TMEM53: variants seen among roughly 807,000 people sequenced by gnomAD.
TMEM53 encodes the protein novel DUF829 domain-containing protein.
In TMEM53, 14 loss-of-function variants were observed where a neutral mutation model predicts 21.4. The ratio of observed to expected loss-of-function variants is 0.65; its 90% CI spans 0.43 to 1.02. TMEM53 has a LOEUF of 1.02. Ranked by LOEUF, TMEM53 falls within the 50% of genes least tolerant of loss-of-function variation. TMEM53 has a pLI of 0.00. For missense variants in TMEM53, 323 were observed against 383.6 expected (o/e 0.84, Z 1.32); for synonymous variants, 148 against 157.4 (o/e 0.94, Z 0.45).
intron 1 of TMEM53, among the ~76,000 whole-genome samples, chr1:44,669,750 G>A (rs190369075): frequency 6.6e-6 from 1 of 151,808 alleles, no homozygotes; most frequent in Non-Finnish European, 1.5e-5. Context: ...CCAGGGTCTA[G>A]TACAGCACCA....
intron 2 of TMEM53, among the ~76,000 whole-genome samples, chr1:44,657,429 G>A (rs566490783): frequency 2.0e-4 from 31 of 152,234 alleles, no homozygotes; most frequent in African/African-American, 7.2e-4. Flanking sequence ...AGATTCAATA[G>A]GTCTCATGTA....
At chr1:44,659,882 C>T (rs1644884237) in intron 2 of TMEM53, among the ~76,000 whole-genome samples, 2 of 116,242 alleles carry the variant, frequency 1.7e-5, no homozygotes, top group East Asian at 2.6e-4. Context: ...TTTTTTGAGA[C>T]GGAATCTCAC....
chr1:44,672,780 A>AAAAAAG (rs1645015593), intron 1 of TMEM53, among the ~76,000 whole-genome samples: 1 of 151,248 alleles, frequency 6.6e-6, no homozygotes, highest in African/African-American at 2.4e-5. Flanking sequence ...TAAAAAAAAA[A>AAAAAAG]AAAGAAAGGG....
Position 44,674,426 on chromosome 1 carries a change from C to T in TMEM53, c.-35G>A. ...GCCGGCCCAGAGCACGGGTCTCCAG[C>T]CGGAACTCCCGCTTGCGCACCCGTG... On this transcript the variant is annotated 5_prime_UTR_variant, in exon 1 of 3. Transcript: ENST00000372237. 5.7e-6 allele frequency: 9 copies of T among 1,590,190 alleles called. No individual in the cohort carries two copies. Among genetic ancestry groups the T allele is most frequent in the Admixed American group, 1.8e-5 (1 of 54,874 alleles).
At chr1:44,664,287 C>A (rs909277096) in intron 1 of TMEM53, among the ~76,000 whole-genome samples, 4 of 151,752 alleles carry the variant, frequency 2.6e-5, no homozygotes, top group African/African-American at 9.7e-5. Context: ...CTCATCTCTA[C>A]TAAAAATACA....
rs150023893 is a variant in TMEM53 at position 44,658,798 on chromosome 1, C to T, written c.183+1376G>A. Among the ~76,000 whole-genome samples the T allele has an allele frequency of 3.6e-3, 550 of 152,234 alleles. 15 individuals carry two copies. The highest frequency in any genetic ancestry group is 0.033 in the Admixed American group (502 of 15,296). Reference sequence around the variant, plus strand: ...AACTCCTGACCTCAAGTGATCTGCCCGCCTCAGCCTTCCAAAGTGCTGGGA... The same window carrying T: ...AACTCCTGACCTCAAGTGATCTGCCTGCCTCAGCCTTCCAAAGTGCTGGGA... On this transcript the variant is annotated intron_variant, in intron 2 of 2. Transcript: ENST00000372237.
At chr1:44,668,461 G>A (rs1250012120) in intron 1 of TMEM53, among the ~76,000 whole-genome samples, 1 of 151,992 alleles carries the variant, frequency 6.6e-6, no homozygotes, top group Non-Finnish European at 1.5e-5. Flanking sequence ...AAAATAACAT[G>A]CAAAAAATTG....
intron 1 of TMEM53, among the ~76,000 whole-genome samples, chr1:44,663,099 C>G (rs189559111): frequency 1.1e-4 from 16 of 152,350 alleles, no homozygotes; most frequent in Admixed American, 7.8e-4. Flanking sequence ...GTTGCCCAAG[C>G]TGGAGTGCAG....
At chr1:44,659,073 C>T (rs1286629319) in intron 2 of TMEM53, among the ~76,000 whole-genome samples, 2 of 152,144 alleles carry the variant, frequency 1.3e-5, no homozygotes, top group Non-Finnish European at 2.9e-5. Context: ...TGAAACTGCC[C>T]GCAGTGAGGC....
chr1:44,664,440 G>A (rs372142932), intron 1 of TMEM53, among the ~76,000 whole-genome samples: 2 of 137,352 alleles, frequency 1.5e-5, no homozygotes, highest in East Asian at 2.1e-4. Context: ...CAACAAGAGC[G>A]AAACTCCATC....
chr1:44,664,991 G>C (rs754480179), intron 1 of TMEM53, among the ~76,000 whole-genome samples: 1 of 151,794 alleles, frequency 6.6e-6, no homozygotes, highest in East Asian at 1.9e-4. Flanking sequence ...CTGATGCTCC[G>C]TGTTCATGCT....
intron 2 of TMEM53, among the ~76,000 whole-genome samples, chr1:44,656,796 G>A (rs1005029518): frequency 5.3e-5 from 8 of 152,138 alleles, no homozygotes; most frequent in Admixed American, 5.2e-4. Flanking sequence ...GGCAGATGAC[G>A]AAGTCAGGAG....
At chr1:44,666,848 T>G (rs544346447) in intron 1 of TMEM53, among the ~76,000 whole-genome samples, 95 of 151,714 alleles carry the variant, frequency 6.3e-4, no homozygotes, top group South Asian at 2.9e-3. Flanking sequence ...GTACTTTTTT[T>G]TTTTGTTTTG....
intron 1 of TMEM53, among the ~76,000 whole-genome samples, chr1:44,672,618 A>G (rs1191844171): frequency 1.3e-5 from 2 of 152,184 alleles, no homozygotes; most frequent in Non-Finnish European, 2.9e-5. Flanking sequence ...GTCTGCTAGC[A>G]ATGGAATGCA....
chr1:44,663,530 G>A (rs1307762762), intron 1 of TMEM53, among the ~76,000 whole-genome samples: 1 of 152,094 alleles, frequency 6.6e-6, no homozygotes, highest in Non-Finnish European at 1.5e-5. Flanking sequence ...GTGAGCCACC[G>A]CACCTGGCCA....
chr1:44,662,462 T>C (rs1204877874), intron 1 of TMEM53, among the ~76,000 whole-genome samples: 2 of 152,216 alleles, frequency 1.3e-5, no homozygotes, highest in Non-Finnish European at 2.9e-5. Flanking sequence ...CTGGCCTTTC[T>C]GGTGGAGAGG....
chr1:44,659,058 G>A (rs778725241), intron 2 of TMEM53, among the ~76,000 whole-genome samples: 3 of 152,162 alleles, frequency 2.0e-5, no homozygotes, highest in African/African-American at 4.8e-5. Flanking sequence ...AGCAGAACTC[G>A]CAGCTGAAAC....
At chr1:44,670,971 GTCAGA>G (rs1644995122) in intron 1 of TMEM53, among the ~76,000 whole-genome samples, 2 of 152,216 alleles carry the variant, frequency 1.3e-5, no homozygotes, top group African/African-American at 4.8e-5. Flanking sequence ...GGCCTGGGAT[GTCAGA>G]GCAGCTCTGG....
At chr1:44,670,594 C>T (rs964860871) in intron 1 of TMEM53, among the ~76,000 whole-genome samples, 2 of 152,208 alleles carry the variant, frequency 1.3e-5, no homozygotes, top group African/African-American at 4.8e-5. Flanking sequence ...GGTCCAGACC[C>T]TTCAGCACTG....
Sources: gnomAD v4.1 joint callset for allele counts (sites outside exome capture counted in the v4.1 genomes callset) on GRCh38, gnomAD v4.1.1 for gene constraint, MANE v1.5 for transcripts, NCBI Gene and HGNC (gene_info 2026-07-23, HGNC 2026-07-21) for gene names.